Variants in KLC1 observed in about 807,000 individuals in gnomAD.
KLC1 encodes kinesin light chain 1, also known as kinesin 2 60/70kDa.
In KLC1, 30 loss-of-function variants were observed where a neutral mutation model predicts 84.2. That is an observed-to-expected ratio of 0.36 (90% CI 0.27 to 0.48). The LOEUF is 0.48. KLC1 is among the 20% of genes least tolerant of loss of function. The pLI is 0.99. For missense variants in KLC1, 499 were observed against 805.4 expected (o/e 0.62, Z 4.60); for synonymous variants, 289 against 293.3 (o/e 0.99, Z 0.15).
In KLC1 at chr14:103,678,647, A is replaced by C. The variant is rs147565724; in HGVS notation, c.1489-737A>C. ...GGAGGTTGCAGTGAGCTTAGATGGT[A>C]CCACTGCACTCCAGTCTGGGCAACA... is the stretch of plus-strand genomic sequence containing the variant. On this transcript the variant is annotated intron_variant, in intron 12 of 16. Coordinates refer to ENST00000334553, the MANE Select transcript of KLC1 (RefSeq NM_001394837.1). Among the ~76,000 whole-genome samples, 183 of 151,836 alleles carry C rather than the reference A, an allele frequency of 1.2e-3. 1 individual carries two copies. The highest frequency in any genetic ancestry group is 4.2e-3 in the African/African-American group (174 of 41,426).
At chr14:103,637,022 G>C (rs2077095203) in intron 1 of KLC1, among the ~76,000 whole-genome samples, 1 of 148,024 alleles carries the variant, frequency 6.8e-6, no homozygotes, top group Non-Finnish European at 1.5e-5. Context: ...GAGCCACCAC[G>C]CCCAGCAGTT....
At position 103,693,654 on chromosome 14, in the gene KLC1, T is replaced by C; in HGVS notation, c.1848+1229T>C. ...GGCTAGGTAACCTGTCTTGGGAGTG[T>C]GAGACCGCCCCGCCCTGCCACGCCC... On this transcript the variant is annotated intron_variant, in intron 15 of 16. Coordinates refer to ENST00000334553, the MANE Select transcript of KLC1 (RefSeq NM_001394837.1). The surrounding 1 kb of genome is among the most constrained non-coding windows in gnomAD (Gnocchi z 5.1). 6.5e-7 allele frequency: 1 copy of C among 1,532,286 alleles called. No individual in the cohort carries two copies. Among genetic ancestry groups the C allele is most frequent in the Non-Finnish European group, 8.7e-7 (1 of 1,144,946 alleles). The allele number at this position is 1,532,286 out of a possible 1,614,324, so 94.9% of individuals were successfully genotyped here.
intron 1 of KLC1, among the ~76,000 whole-genome samples, chr14:103,637,296 C>G (rs987956000): frequency 1.3e-5 from 2 of 151,910 alleles, no homozygotes; most frequent in Non-Finnish European, 2.9e-5. Flanking sequence ...CTTTCGGAGG[C>G]CGAGGCGGGT....
At chr14:103,664,511 T>G (rs2079577901) in intron 5 of KLC1, among the ~76,000 whole-genome samples, 1 of 92,488 alleles carries the variant, frequency 1.1e-5, no homozygotes, top group Admixed American at 9.9e-5. Flanking sequence ...ATTTAGCTCT[T>G]AATTAGATTG....
At chr14:103,636,103 T>C (rs2077021571) in intron 1 of KLC1, among the ~76,000 whole-genome samples, 1 of 152,208 alleles carries the variant, frequency 6.6e-6, no homozygotes, top group Non-Finnish European at 1.5e-5. Flanking sequence ...TCTGGAACTC[T>C]TTCATCTGGC....
intron 1 of KLC1, among the ~76,000 whole-genome samples, chr14:103,634,095 T>C (rs141644069): frequency 0.018 from 2,684 of 152,138 alleles, 71 homozygotes; most frequent in African/African-American, 0.057. Context: ...TCTCGAACTC[T>C]TGACCTTAAG....
intron 1 of KLC1, among the ~76,000 whole-genome samples, chr14:103,639,495 T>C (rs1204441854): frequency 6.6e-6 from 1 of 151,812 alleles, no homozygotes; most frequent in Non-Finnish European, 1.5e-5. Flanking sequence ...TAGGCTGGAG[T>C]ATAGTGGTAC....
chr14:103,664,088 G>A (rs1448310479), intron 5 of KLC1, among the ~76,000 whole-genome samples: 1 of 152,154 alleles, frequency 6.6e-6, no homozygotes, highest in South Asian at 2.1e-4. Context: ...GCAGGGTTTC[G>A]TGGACATTCT....
chr14:103,687,445 T>C (rs1189167328), intron 14 of KLC1: 3 of 196,862 alleles, frequency 1.5e-5, no homozygotes, highest in African/African-American at 4.6e-5. Context: ...TAAAAGAAAT[T>C]TATGGAATTT....
At chr14:103,643,773 C>G (rs891087477) in intron 1 of KLC1, among the ~76,000 whole-genome samples, 1 of 151,814 alleles carries the variant, frequency 6.6e-6, no homozygotes, top group Non-Finnish European at 1.5e-5. Context: ...ACTAAAAATA[C>G]AAAAATTAGC....
At chr14:103,699,138 C>T (rs761784037) in intron 15 of KLC1, 28 of 1,572,848 alleles carry the variant, frequency 1.8e-5, no homozygotes, top group South Asian at 9.2e-5. Context: ...CTCACCCCAG[C>T]GGCCCGTGTG....
intron 1 of KLC1, among the ~76,000 whole-genome samples, chr14:103,652,271 G>A (rs2078511277): frequency 6.6e-6 from 1 of 152,070 alleles, no homozygotes; most frequent in African/African-American, 2.4e-5. Flanking sequence ...TTGAAAACTG[G>A]TCCTTAAGTG....
intron 7 of KLC1, among the ~76,000 whole-genome samples, chr14:103,672,121 C>T (rs1055560678): frequency 4.6e-5 from 7 of 152,076 alleles, no homozygotes; most frequent in South Asian, 4.1e-4. Flanking sequence ...TGGGCTTCTG[C>T]GGGCCAGAGC....
At chr14:103,698,861 G>A (rs2082814900) in intron 15 of KLC1, 3 of 1,607,834 alleles carry the variant, frequency 1.9e-6, no homozygotes, top group Middle Eastern at 1.7e-4. Flanking sequence ...AGGAACAGGA[G>A]GAGGGGGGCA....
intron 13 of KLC1, chr14:103,685,606 C>G (rs78061944): frequency 6.4e-5 from 82 of 1,289,180 alleles, no homozygotes; most frequent in Non-Finnish European, 8.2e-5. Flanking sequence ...CGCGGTTTCA[C>G]GTGGGTTTTC....
In KLC1 at chr14:103,694,252, T is replaced by C; in HGVS notation, c.1848+1827T>C. 3.6e-6 allele frequency: 2 copies of C among 549,686 alleles called. No homozygotes were observed. The highest frequency in any genetic ancestry group is 4.5e-6 in the Non-Finnish European group (2 of 439,612). The allele number at this position is 549,686 out of a possible 1,614,324, so 34.1% of individuals were successfully genotyped here. On this transcript the variant is annotated intron_variant, in intron 15 of 16. Coordinates refer to ENST00000334553, the MANE Select transcript of KLC1 (RefSeq NM_001394837.1). The surrounding 1 kb of genome is among the most constrained non-coding windows in gnomAD (Gnocchi z 4.5). Reference sequence around the variant, plus strand: ...AGCCCATAGAGACGTGTGTTTCACTTTTTTTTTTTTTTTTTTTGAGACGGA... The same window carrying C: ...AGCCCATAGAGACGTGTGTTTCACTCTTTTTTTTTTTTTTTTTGAGACGGA...
intron 1 of KLC1, among the ~76,000 whole-genome samples, chr14:103,649,440 T>C (rs1174420888): frequency 6.6e-6 from 1 of 151,436 alleles, no homozygotes; most frequent in African/African-American, 2.4e-5. Context: ...GTACATAATT[T>C]GTTAGGGGCC....
At chr14:103,683,697 C>A (rs1401708065) in intron 13 of KLC1, 3 of 152,208 alleles carry the variant, frequency 2.0e-5, no homozygotes, top group Non-Finnish European at 4.4e-5. Flanking sequence ...AGCTGCACCA[C>A]CTTTGTCTGT....
chr14:103,693,676 G>A lies in KLC1; in HGVS notation c.1848+1251G>A, dbSNP rs1335964148. 8 of 1,522,436 alleles carry A rather than the reference G, an allele frequency of 5.3e-6. No individual in the cohort carries two copies. The African/African-American group carries it at 6.9e-5, about 13-fold the overall frequency. 94.3% of individuals were successfully genotyped at this position (1,522,436 alleles called of 1,614,324 possible). A position where few individuals can be genotyped will look rare whatever the true frequency, so the allele number is the denominator to read the frequency against. ...GTGTGAGACCGCCCCGCCCTGCCAC[G>A]CCCCTCACCGCCCTGCCCGGAGGCG... On this transcript the variant is annotated intron_variant, in intron 15 of 16. Coordinates refer to ENST00000334553, the MANE Select transcript of KLC1 (RefSeq NM_001394837.1). The surrounding 1 kb of genome is among the most constrained non-coding windows in gnomAD (Gnocchi z 5.1).
Sources: gnomAD v4.1 joint callset for allele counts (sites outside exome capture counted in the v4.1 genomes callset) on GRCh38, gnomAD v4.1.1 for gene constraint, Gnocchi (gnomAD v3.1) non-coding constraint, MANE v1.5 for transcripts, NCBI Gene and HGNC (gene_info 2026-07-23, HGNC 2026-07-21) for gene names.